UBE4B: variants seen among roughly 807,000 people sequenced by gnomAD.
UBE4B encodes the protein ubiquitin conjugation factor E4 B.
In UBE4B, 27 loss-of-function variants were observed where a neutral mutation model predicts 148.1. That is an observed-to-expected ratio of 0.18 (90% CI 0.13 to 0.25). The LOEUF (loss-of-function observed/expected upper bound fraction) is 0.25. UBE4B is among the 10% of genes least tolerant of loss of function. The pLI is 1.00. For synonymous variants in UBE4B, 596 were observed against 619.3 expected, an observed-to-expected ratio of 0.96 and a Z score of 0.56; for missense variants, 1,170 against 1,662.4, an observed-to-expected ratio of 0.70 and a Z score of 5.15.
intron 2 of UBE4B, among the ~76,000 whole-genome samples, chr1:10,088,533 G>T (rs1301004254): frequency 6.6e-6 from 1 of 151,756 alleles, no homozygotes; most frequent in African/African-American, 2.4e-5. Context: ...CCGCCACCAT[G>T]CCCAGCTAAT....
intron 15 of UBE4B, among the ~76,000 whole-genome samples, chr1:10,132,942 G>A (rs1400500691): frequency 1.3e-5 from 2 of 152,162 alleles, no homozygotes; most frequent in Non-Finnish European, 2.9e-5. Context: ...TCGGGTCCTG[G>A]AGTTAGTGGA....
chr1:10,126,649 G>T, intron 10 of UBE4B, 145 bp from the exon 11 acceptor site: 1 of 662,316 alleles, frequency 1.5e-6, no homozygotes, highest in Non-Finnish European at 2.6e-6. Context: ...CACTCTGGCT[G>T]AATTCTAGAC....
At chr1:10,162,607 C>CTTT (rs61393825) in intron 23 of UBE4B, among the ~76,000 whole-genome samples, 4 of 135,166 alleles carry the variant, frequency 3.0e-5, no homozygotes, top group South Asian at 2.4e-4. Flanking sequence ...CGCGCCCAGA[C>CTTT]TTTTTTTTTT....
intron 8 of UBE4B, 98 bp from the exon 9 acceptor site, chr1:10,119,415 T>A: frequency 8.5e-7 from 1 of 1,182,064 alleles, no homozygotes; most frequent in Non-Finnish European, 1.2e-6. Flanking sequence ...GAAAGCACGC[T>A]GTTTACTGAT....
Position 10,106,322 on chromosome 1 carries a change from C to T in UBE4B, c.935C>T (p.Pro312Leu). The change falls in exon 7 of 28, where the codon CCT becomes CTT. Residue 312 changes from proline to leucine, a missense_variant. Pro to Leu is a moderately conservative substitution (Grantham distance 98). Transcript: ENST00000343090. This position sits in a 1 kb window ranked among gnomAD's most constrained non-coding sequence, Gnocchi z 4.2. The stretch of plus-strand genomic sequence containing the variant: ...GCTGTGCCTTCCACTCCCCTCAGTC[C>T]TCACAGTGCAGCCTCTGGAACTGCT... ...QLAVPSTPLS[P>L]HSAASGTAAG... The T allele has an allele frequency of 6.2e-7, 1 of 1,614,172 alleles. No homozygotes were observed. Among genetic ancestry groups the T allele is most frequent in the Non-Finnish European group, 8.5e-7 (1 of 1,180,016 alleles).
chr1:10,050,197 G>A (rs1375415348), intron 1 of UBE4B, among the ~76,000 whole-genome samples: 4 of 152,000 alleles, frequency 2.6e-5, no homozygotes, highest in South Asian at 2.1e-4. Context: ...TCAGCCTCCC[G>A]AGTAGCTGGG....
At chr1:10,034,478 T>TA (rs57860112) in intron 1 of UBE4B, among the ~76,000 whole-genome samples, 8,858 of 147,122 alleles carry the variant, frequency 0.06, 620 homozygotes, top group African/African-American at 0.17. Context: ...TAGGTTGTTG[T>TA]AAAAAAAAAA....
At chr1:10,130,836 C>G in intron 14 of UBE4B, 23 bp downstream of exon 14, 1 of 1,598,928 alleles carries the variant, frequency 6.3e-7, no homozygotes, top group Non-Finnish European at 8.6e-7. Context: ...AAAACAAATC[C>G]AGAGGAAGTA....
chr1:10,039,340 G>A (rs1350261439), intron 1 of UBE4B, among the ~76,000 whole-genome samples: 1 of 152,152 alleles, frequency 6.6e-6, no homozygotes, highest in East Asian at 1.9e-4. Flanking sequence ...GCAGCAAGTA[G>A]TGTGACTGGA....
chr1:10,091,514 A>C (rs748127106), intron 2 of UBE4B, among the ~76,000 whole-genome samples: 3 of 152,114 alleles, frequency 2.0e-5, no homozygotes, highest in Non-Finnish European at 4.4e-5. Flanking sequence ...GTATGATTAT[A>C]GCCCACTGCA....
chr1:10,177,288 G>A (rs1646442369), intron 25 of UBE4B, among the ~76,000 whole-genome samples: 1 of 151,908 alleles, frequency 6.6e-6, no homozygotes. Context: ...GGGAGGCCAA[G>A]GTGGGCAGAT....
chr1:10,044,631 A>G (rs916811087), intron 1 of UBE4B, among the ~76,000 whole-genome samples: 1 of 151,188 alleles, frequency 6.6e-6, no homozygotes, highest in Non-Finnish European at 1.5e-5. Flanking sequence ...CACCCAGGCT[A>G]GAGTACAGTG....
chr1:10,054,434 C>G, intron 1 of UBE4B: 1 of 340,182 alleles, frequency 2.9e-6, no homozygotes, highest in Non-Finnish European at 5.7e-6. Flanking sequence ...ATTTTTTTCA[C>G]ACCTCTTATG....
chr1:10,151,704 G>T, intron 21 of UBE4B, 143 bp downstream of exon 21: 1 of 715,268 alleles, frequency 1.4e-6, no homozygotes, highest in Non-Finnish European at 2.3e-6. Context: ...GCCTGCAGAG[G>T]ATGTACTTTT....
At chr1:10,163,667 C>CAAAT (rs1646203022) in intron 23 of UBE4B, among the ~76,000 whole-genome samples, 2 of 151,922 alleles carry the variant, frequency 1.3e-5, no homozygotes, top group East Asian at 1.9e-4. Context: ...GACTCCGTCT[C>CAAAT]AAATAAATAA....
intron 1 of UBE4B, 136 bp downstream of exon 1, chr1:10,033,830 T>C: frequency 2.2e-6 from 2 of 920,788 alleles, no homozygotes; most frequent in Non-Finnish European, 3.1e-6. Context: ...AAGAATAACG[T>C]GACTCCCCGA....
intron 9 of UBE4B, among the ~76,000 whole-genome samples, chr1:10,120,531 TTAATAAAA>T (rs1645393020): frequency 6.7e-6 from 1 of 149,748 alleles, no homozygotes; most frequent in Non-Finnish European, 1.5e-5. Flanking sequence ...AAAATAAAAA[TTAATAAAA>T]TAATAAAAAA....
rs376313914 is a variant in UBE4B at position 10,124,349 on chromosome 1, A to G, written c.1554+2273A>G. On this transcript the variant is annotated intron_variant, in intron 10 of 27. Transcript: ENST00000343090. ...GCTAATTTTTGTATTTTTAGTAGAG[A>G]TGAAGTTTTGTCATGTTGGCCAGGC... is the stretch of plus-strand genomic sequence containing the variant. 5.9e-5 allele frequency among the ~76,000 whole-genome samples: 9 copies of G among 152,154 alleles called. No individual in the cohort carries two copies. The South Asian group carries it at 6.2e-4, about 11-fold the overall frequency.
intron 5 of UBE4B, 134 bp downstream of exon 5, chr1:10,103,226 G>A: frequency 1.2e-6 from 1 of 848,928 alleles, no homozygotes; most frequent in Non-Finnish European, 1.7e-6. Context: ...GATACTTCTT[G>A]ATGAGGACAC....
Sources: allele counts gnomAD v4.1 joint callset (sites outside exome capture counted in the v4.1 genomes callset), GRCh38; gene constraint gnomAD v4.1.1; non-coding constraint Gnocchi (gnomAD v3.1); transcripts MANE v1.5; gene names NCBI Gene and HGNC (gene_info 2026-07-23, HGNC 2026-07-21).